Variants in ATP6V0E1 observed in about 807,000 individuals in gnomAD.
ATP6V0E1 encodes ATPase H+ transporting V0 subunit e1.
In ATP6V0E1, 4 loss-of-function variants were observed where a neutral mutation model predicts 11.6. That is an observed-to-expected ratio of 0.35 (90% CI 0.17 to 0.79). ATP6V0E1 has a LOEUF of 0.79. ATP6V0E1 is among the 30% of genes least tolerant of loss of function. The pLI, the probability that ATP6V0E1 is intolerant of heterozygous loss-of-function variation, is 0.54. For missense variants in ATP6V0E1, 105 were observed against 100.0 expected (o/e 1.05, Z -0.21); for synonymous variants, 36 against 34.8 (o/e 1.04, Z -0.13).
At chr5:173,031,741 C>T (rs1581638617) in intron 3 of ATP6V0E1, among the ~76,000 whole-genome samples, 1 of 150,866 alleles carries the variant, frequency 6.6e-6, no homozygotes. Context: ...ATAGCGTGAA[C>T]CTGGGAGGCA....
chr5:172,994,942 AT>A, intron 2 of ATP6V0E1, 120 bp downstream of exon 2: 1 of 748,894 alleles, frequency 1.3e-6, no homozygotes, highest in Non-Finnish European at 2.1e-6. Context: ...AAAATTGAAA[AT>A]ATCACACTTT....
At chr5:173,027,258 C>T (rs1439480207) in intron 3 of ATP6V0E1, among the ~76,000 whole-genome samples, 16 of 132,994 alleles carry the variant, frequency 1.2e-4, no homozygotes, top group African/African-American at 2.9e-4. Context: ...GAGGCCGAGG[C>T]GGGTGGATCA....
chr5:173,006,135 TTTTG>T (rs1561771059), intron 2 of ATP6V0E1, among the ~76,000 whole-genome samples: 1 of 152,236 alleles, frequency 6.6e-6, no homozygotes, highest in Non-Finnish European at 1.5e-5. Flanking sequence ...TGTGGTTTTT[TTTTG>T]TTTGTTTTTT....
intron 2 of ATP6V0E1, among the ~76,000 whole-genome samples, chr5:173,019,407 G>T (rs1462214422): frequency 6.6e-6 from 1 of 151,972 alleles, no homozygotes; most frequent in Admixed American, 6.6e-5. Flanking sequence ...TACAAAAAAT[G>T]AGCTGGGCGT....
rs1393305426 is a variant in ATP6V0E1, at chr5:172,987,903, G to T, written c.104+3939G>T. Among the ~76,000 whole-genome samples the T allele has an allele frequency of 4.6e-5, 7 of 151,840 alleles. No homozygotes were observed. The East Asian group carries it at 1.4e-3, about 29-fold the overall frequency. On this transcript the variant is annotated intron_variant, in intron 1 of 3. Coordinates refer to ENST00000519374, the MANE Select transcript of ATP6V0E1 (RefSeq NM_003945.4). The stretch of plus-strand genomic sequence containing the variant: ...AATTCGTTGTTGTTGTTTTGAGACA[G>T]GGTCTCTCTTTGTTGCCCAGGCTGG...
Position 172,983,894 on chromosome 5 carries a change from G to C in ATP6V0E1, c.34G>C (p.Val12Leu), listed in dbSNP as rs1175637239. The C allele has an allele frequency of 1.9e-6, 3 of 1,613,704 alleles. No individual in the cohort carries two copies. Among genetic ancestry groups the C allele is most frequent in the Non-Finnish European group, 2.5e-6 (3 of 1,179,824 alleles). Residue 12 changes from valine (V) to leucine (L), a missense_variant, in exon 1 of 4, where the codon GTG becomes CTG. Coordinates refer to ENST00000519374, the MANE Select transcript of ATP6V0E1 (RefSeq NM_003945.4). The stretch of plus-strand genomic sequence containing the variant: ...TCACGGCCTCACTGTGCCTCTCATT[G>C]TGATGAGCGTGTTCTGGGGCTTCGT... ...AYHGLTVPLI[V>L]MSVFWGFVGF...
At chr5:173,031,816 C>G (rs1487057806) in intron 3 of ATP6V0E1, among the ~76,000 whole-genome samples, 2 of 120,038 alleles carry the variant, frequency 1.7e-5, no homozygotes, top group Non-Finnish European at 3.2e-5. Flanking sequence ...GAGCGAGACT[C>G]TGCCTCAAAA....
At chr5:173,025,504 C>CTGTT (rs1756545082) in intron 3 of ATP6V0E1, among the ~76,000 whole-genome samples, 1 of 65,566 alleles carries the variant, frequency 1.5e-5, no homozygotes, top group African/African-American at 7.2e-5. Context: ...ATATAAAATA[C>CTGTT]TTTTTTTTTT....
Position 173,020,345 on chromosome 5 carries a change from C to T in ATP6V0E1, c.*14C>T. On this transcript the variant is annotated 3_prime_UTR_variant, in exon 3 of 4. Transcript: ENST00000519374. ...CATTGGCCTTGAGGAAGAAGACATGCTCTACAGTGCTCAGTCTTTGAGGTG... is the reference window on the plus strand; with the variant it reads ...CATTGGCCTTGAGGAAGAAGACATGTTCTACAGTGCTCAGTCTTTGAGGTG... 6.4e-7 allele frequency: 1 copy of T among 1,573,974 alleles called. No individual in the cohort carries two copies. Among genetic ancestry groups the T allele is most frequent in the Non-Finnish European group, 8.7e-7 (1 of 1,143,680 alleles).
chr5:173,010,306 T>G (rs1184300943), intron 2 of ATP6V0E1, among the ~76,000 whole-genome samples: 2 of 152,214 alleles, frequency 1.3e-5, no homozygotes, highest in African/African-American at 2.4e-5. Context: ...ATTCTGTGGC[T>G]TGAATACATT....
Position 173,034,800 on chromosome 5 carries a change from A to G in ATP6V0E1, c.*438A>G, listed in dbSNP as rs547176080. Reference sequence around the variant, plus strand: ...GAGAGCACGTTCAGAGGGAAGAGCCATCTCAACAGAATCGCACCAAACTAT... The same window carrying G: ...GAGAGCACGTTCAGAGGGAAGAGCCGTCTCAACAGAATCGCACCAAACTAT... On this transcript the variant is annotated 3_prime_UTR_variant, in exon 4 of 4. Transcript: ENST00000519374. 1.9e-5 allele frequency: 4 copies of G among 214,706 alleles called. No individual in the cohort carries two copies. The highest frequency in any genetic ancestry group is 1.0e-4 in the East Asian group (1 of 9,858). 13.3% of individuals were successfully genotyped at this position (214,706 alleles called of 1,614,324 possible). A position where few individuals can be genotyped will look rare whatever the true frequency, so the allele number is the denominator to read the frequency against.
rs181858752 is a variant in ATP6V0E1 at position 172,985,364 on chromosome 5, A to T, written c.104+1400A>T. On this transcript the variant is annotated intron_variant, in intron 1 of 3. Coordinates refer to ENST00000519374, the MANE Select transcript of ATP6V0E1 (RefSeq NM_003945.4). ...TATTAGTCTAAAATTATTTTTTTTT[A>T]AAAGATACATGGTAGATGAATTTTT... Among the ~76,000 whole-genome samples the T allele has an allele frequency of 6.8e-3, 1,034 of 151,398 alleles. 7 individuals carry two copies. The highest frequency in any genetic ancestry group is 0.031 in the South Asian group (151 of 4,814).
chr5:172,988,734 T>C (rs1035016972), intron 1 of ATP6V0E1, among the ~76,000 whole-genome samples: 8 of 152,154 alleles, frequency 5.3e-5, no homozygotes, highest in African/African-American at 1.9e-4. Flanking sequence ...TGTTGCCCAG[T>C]CTGGAGTGTG....
chr5:172,985,072 C>CT (rs1376146464), intron 1 of ATP6V0E1, among the ~76,000 whole-genome samples: 30 of 152,090 alleles, frequency 2.0e-4, no homozygotes, highest in African/African-American at 5.5e-4. Flanking sequence ...CGGTGAAACC[C>CT]GTCTCTACTA....
intron 1 of ATP6V0E1, chr5:172,986,618 C>T (rs1755900981): frequency 2.5e-6 from 1 of 406,022 alleles, no homozygotes; most frequent in Admixed American, 2.9e-5. Context: ...ACAGTGAGAC[C>T]CTGTCTCTTC....
chr5:172,986,811 CAG>C (rs1755904261), intron 1 of ATP6V0E1: 4 of 425,240 alleles, frequency 9.4e-6, no homozygotes, highest in African/African-American at 2.0e-5. Flanking sequence ...GTTTTTGAGA[CAG>C]AGTCTCACTC....
chr5:173,020,185 A>T (rs534085865), intron 2 of ATP6V0E1, 53 bp from the exon 3 acceptor site: 1 of 1,434,738 alleles, frequency 7.0e-7, no homozygotes, highest in Non-Finnish European at 9.8e-7. Flanking sequence ...GAAAATGGTC[A>T]TGTTCCAACA....
chr5:172,988,601 A>G (rs1755932944), intron 1 of ATP6V0E1, among the ~76,000 whole-genome samples: 1 of 152,208 alleles, frequency 6.6e-6, no homozygotes, highest in African/African-American at 2.4e-5. Context: ...TTAAAGCCGA[A>G]TTAGTACTAG....
intron 2 of ATP6V0E1, 52 bp from the exon 3 acceptor site, chr5:173,020,186 T>C (rs1756457565): frequency 6.2e-6 from 9 of 1,444,070 alleles, no homozygotes; most frequent in Admixed American, 1.7e-5. Flanking sequence ...AAAATGGTCA[T>C]GTTCCAACAT....
Sources: allele counts gnomAD v4.1 joint callset (sites outside exome capture counted in the v4.1 genomes callset), GRCh38; gene constraint gnomAD v4.1.1; transcripts MANE v1.5; gene names NCBI Gene and HGNC (gene_info 2026-07-23, HGNC 2026-07-21).